CEACAM6: variants seen among roughly 807,000 people sequenced by gnomAD.
CEACAM6 encodes CEA cell adhesion molecule 6.
In CEACAM6, 21 loss-of-function variants were observed where a neutral mutation model predicts 32.4. The observed-to-expected ratio is 0.65, with a 90% CI of 0.46 to 0.93. The LOEUF is 0.93. Ranked by LOEUF, CEACAM6 falls within the 40% of genes least tolerant of loss-of-function variation. The pLI, the probability that CEACAM6 is intolerant of heterozygous loss-of-function variation, is 0.00. For synonymous variants in CEACAM6, 184 were observed against 174.4 expected, an observed-to-expected ratio of 1.06 and a Z score of -0.43; for missense variants, 406 against 432.2, an observed-to-expected ratio of 0.94 and a Z score of 0.54.
rs1479716344 is a variant in CEACAM6 at position 41,772,137 on chromosome 19, T to C, written c.*1376T>C. The C allele has an allele frequency of 6.6e-6, 1 of 152,230 alleles. No individual in the cohort carries two copies. 9.4% of individuals were successfully genotyped at this position (152,230 alleles called of 1,614,324 possible). ...TTGTATTGTATTGCCCAGGGGGAGC[T>C]ATCACTGTACTTGTAGAGTGGTGCT... On this transcript the variant is annotated 3_prime_UTR_variant, in exon 6 of 6. Coordinates refer to ENST00000199764, the MANE Select transcript of CEACAM6 (RefSeq NM_002483.7).
At chr19:41,763,816 C>A (rs8106277) in intron 4 of CEACAM6, among the ~76,000 whole-genome samples, 1 of 152,056 alleles carries the variant, frequency 6.6e-6, no homozygotes, top group African/African-American at 2.4e-5. Flanking sequence ...CCTCGGTCAC[C>A]AGCAACAACT....
At chr19:41,757,542 C>T (rs1265372935) in intron 2 of CEACAM6, among the ~76,000 whole-genome samples, 1 of 152,138 alleles carries the variant, frequency 6.6e-6, no homozygotes, top group Non-Finnish European at 1.5e-5. Context: ...ATAGGGCCTC[C>T]TCCTTCACTT....
chr19:41,758,950 C>A (rs555963973), intron 2 of CEACAM6, among the ~76,000 whole-genome samples: 4 of 152,304 alleles, frequency 2.6e-5, no homozygotes, highest in Admixed American at 2.6e-4. Flanking sequence ...GGGCTCTTTC[C>A]CCCAGTGAGG....
intron 2 of CEACAM6, among the ~76,000 whole-genome samples, chr19:41,760,926 G>A (rs1555821729): frequency 6.6e-6 from 1 of 152,202 alleles, no homozygotes; most frequent in Non-Finnish European, 1.5e-5. Flanking sequence ...GACTCCAAGG[G>A]AAGCCAGGCA....
chr19:41,764,418 C>G (rs1042661677), intron 4 of CEACAM6, among the ~76,000 whole-genome samples: 3 of 151,936 alleles, frequency 2.0e-5, no homozygotes, highest in Non-Finnish European at 2.9e-5. Flanking sequence ...TCCTGAGTAG[C>G]TGGGACTACA....
At chr19:41,756,246 G>C (rs1424464478) in intron 1 of CEACAM6, among the ~76,000 whole-genome samples, 2 of 152,124 alleles carry the variant, frequency 1.3e-5, no homozygotes, top group African/African-American at 2.4e-5. Context: ...AACAGAGCAG[G>C]GAAAGGTCAG....
chr19:41,756,362 C>A (rs540940420), intron 1 of CEACAM6, among the ~76,000 whole-genome samples: 1 of 151,952 alleles, frequency 6.6e-6, no homozygotes, highest in East Asian at 1.9e-4. Flanking sequence ...GCCATGCAGA[C>A]CCCTGGGGAA....
Position 41,766,314 on chromosome 19 carries a change from C to T in CEACAM6, c.*40+15C>T. On this transcript the variant is annotated intron_variant, in intron 5 of 5. Coordinates refer to ENST00000199764, the MANE Select transcript of CEACAM6 (RefSeq NM_002483.7). ...AAGACTGGCAGGTATGATCGCCTTT[C>T]CTCTTGCCATGTTTCCTGCAGGGCT... The T allele has an allele frequency of 1.5e-6, 2 of 1,362,466 alleles. No homozygotes were observed. Among genetic ancestry groups the T allele is most frequent in the South Asian group, 2.7e-5 (2 of 74,800 alleles). The allele number at this position is 1,362,466 out of a possible 1,614,324, so 84.4% of individuals were successfully genotyped here.
intron 5 of CEACAM6, among the ~76,000 whole-genome samples, chr19:41,770,455 G>A (rs1555822886): frequency 1.3e-5 from 2 of 151,700 alleles, no homozygotes. Context: ...CATACATAGG[G>A]CTATACATAG....
chr19:41,768,525 C>A (rs929620809), intron 5 of CEACAM6, among the ~76,000 whole-genome samples: 5 of 152,232 alleles, frequency 3.3e-5, no homozygotes, highest in Admixed American at 3.3e-4. Context: ...GGCAACCATC[C>A]GATTTCTCAA....
intron 2 of CEACAM6, among the ~76,000 whole-genome samples, chr19:41,759,822 C>G (rs902842649): frequency 6.6e-6 from 1 of 152,158 alleles, no homozygotes; most frequent in Non-Finnish European, 1.5e-5. Flanking sequence ...ACAAACTTTT[C>G]AAAGCAAATT....
chr19:41,768,702 A>G (rs8104232), intron 5 of CEACAM6, among the ~76,000 whole-genome samples: 65,059 of 142,246 alleles, frequency 0.46, 13,070 homozygotes, highest in Middle Eastern at 0.59. Flanking sequence ...CTCACCTCCC[A>G]GACGGGGCGG....
At position 41,761,478 on chromosome 19, in the gene CEACAM6, G is replaced by A; in HGVS notation, c.654G>A (p.Gln218=). 2 of 1,614,196 alleles carry A rather than the reference G, an allele frequency of 1.2e-6. No homozygotes were observed. The highest frequency in any genetic ancestry group is 1.7e-6 in the Non-Finnish European group (2 of 1,180,036). ...CAGGATCCTATGAATGTGAAATACAGAACCCAGCGAGTGCCAACCGCAGTG... is the reference window on the plus strand; with the variant it reads ...CAGGATCCTATGAATGTGAAATACAAAACCCAGCGAGTGCCAACCGCAGTG... ...NDAGSYECEI[Q]NPASANRSDP... is the part of the protein sequence containing the mutation. Residue 218 remains glutamine (Q), a synonymous_variant, in exon 3 of 6, where the codon CAG becomes CAA. Transcript: ENST00000199764.
chr19:41,763,353 C>T (rs1346780914), intron 4 of CEACAM6, among the ~76,000 whole-genome samples: 1 of 152,170 alleles, frequency 6.6e-6, no homozygotes, highest in East Asian at 1.9e-4. Flanking sequence ...CCATCATCAC[C>T]CATCTCCAGG....
At chr19:41,759,574 G>C (rs892889236) in intron 2 of CEACAM6, among the ~76,000 whole-genome samples, 34 of 152,212 alleles carry the variant, frequency 2.2e-4, no homozygotes, top group African/African-American at 5.1e-4. Flanking sequence ...TCTACTCAAG[G>C]AGTTGCTAAT....
intron 4 of CEACAM6, among the ~76,000 whole-genome samples, chr19:41,763,659 A>G (rs1421321760): frequency 2.0e-5 from 3 of 152,214 alleles, no homozygotes; most frequent in Non-Finnish European, 4.4e-5. Flanking sequence ...GTCTTCTGAC[A>G]CACACACCTG....
In CEACAM6 at chr19:41,756,502, G is replaced by A. The variant is rs924181954; in HGVS notation, c.65-98G>A. 95 of 1,474,086 alleles carry A rather than the reference G, an allele frequency of 6.4e-5. 1 individual carries two copies. In the African/African-American group the frequency reaches 6.6e-4, roughly 10 times the overall value. 91.3% of individuals were successfully genotyped at this position (1,474,086 alleles called of 1,614,324 possible). A position where few individuals can be genotyped will look rare whatever the true frequency, so the allele number is the denominator to read the frequency against. On this transcript the variant is annotated intron_variant, in intron 1 of 5. Coordinates refer to ENST00000199764, the MANE Select transcript of CEACAM6 (RefSeq NM_002483.7). ...CACACACACACACACACGCTCCAAC[G>A]TGGAGGGGTGAAGAGACCTGCTCAG...
At position 41,771,376 on chromosome 19, in the gene CEACAM6, G is replaced by C. The variant is rs1443525989; in HGVS notation, c.*615G>C. ...CCCTGTTTTAATTCAACCCAGCCAT[G>C]CAATGCCAAATAATAGAATTGCTCC... is the stretch of plus-strand genomic sequence containing the variant. On this transcript the variant is annotated 3_prime_UTR_variant, in exon 6 of 6. Transcript: ENST00000199764. The C allele has an allele frequency of 6.6e-6, 1 of 152,214 alleles. No homozygotes were observed. Among genetic ancestry groups the C allele is most frequent in the Non-Finnish European group, 1.5e-5 (1 of 68,042 alleles). The allele number at this position is 152,214 out of a possible 1,614,324, so 9.4% of individuals were successfully genotyped here.
At chr19:41,768,485 T>C (rs1416630113) in intron 5 of CEACAM6, among the ~76,000 whole-genome samples, 1 of 152,216 alleles carries the variant, frequency 6.6e-6, no homozygotes, top group African/African-American at 2.4e-5. Flanking sequence ...ATGAAAAGTC[T>C]CCCATGTCTA....
Sources: gnomAD v4.1 joint callset for allele counts (sites outside exome capture counted in the v4.1 genomes callset) on GRCh38, gnomAD v4.1.1 for gene constraint, MANE v1.5 for transcripts, NCBI Gene and HGNC (gene_info 2026-07-23, HGNC 2026-07-21) for gene names.